The following MAST4 variants were observed in gnomAD, a reference collection of about 807,000 sequenced individuals.
The protein encoded by MAST4 is microtubule-associated serine/threonine-protein kinase 4.
MAST4 carries 89 observed loss-of-function variants against 162.7 expected under a neutral mutation model. That is an observed-to-expected ratio of 0.55 (90% CI 0.46 to 0.65). The LOEUF is 0.65. Among genes scored for constraint, MAST4 ranks in the 30% least tolerant of loss-of-function variants. The probability of loss-of-function intolerance (pLI) is 0.00; values close to 1 mark genes in which losing one functional copy is unlikely to be tolerated. For missense variants in MAST4, 3,153 were observed against 3,374.0 expected, an observed-to-expected ratio of 0.93 and a Z score of 1.62; for synonymous variants, 1,479 against 1,361.1, an observed-to-expected ratio of 1.09 and a Z score of -1.91.
chr5:66,874,299 T>G (rs556032698), intron 3 of MAST4, among the ~76,000 whole-genome samples: 1 of 152,180 alleles, frequency 6.6e-6, no homozygotes, highest in Non-Finnish European at 1.5e-5. Flanking sequence ...GTAGAGCTGG[T>G]AAAGGCCTCT....
At chr5:67,024,896 A>C (rs1234381283) in intron 4 of MAST4, among the ~76,000 whole-genome samples, 1 of 152,008 alleles carries the variant, frequency 6.6e-6, no homozygotes, top group East Asian at 1.9e-4. Flanking sequence ...TGAGCCCTGA[A>C]GTATGACACC....
intron 4 of MAST4, among the ~76,000 whole-genome samples, chr5:66,964,694 A>G (rs1349354025): frequency 1.3e-5 from 2 of 152,128 alleles, no homozygotes; most frequent in African/African-American, 4.8e-5. Flanking sequence ...CAGCTACCCC[A>G]TGGGAGGCTG....
intron 4 of MAST4, among the ~76,000 whole-genome samples, chr5:66,965,074 G>T (rs1746531946): frequency 6.6e-6 from 1 of 151,938 alleles, no homozygotes; most frequent in African/African-American, 2.4e-5. Context: ...TTAATGACTT[G>T]GAACTTTAGT....
intron 3 of MAST4, chr5:66,828,719 C>A: frequency 7.0e-7 from 1 of 1,437,248 alleles, no homozygotes; most frequent in Non-Finnish European, 9.5e-7. Context: ...TGACTCCGGG[C>A]TCCAATCAGC....
intron 1 of MAST4, among the ~76,000 whole-genome samples, chr5:66,632,617 G>C (rs1373840004): frequency 3.9e-5 from 6 of 152,062 alleles, no homozygotes; most frequent in Non-Finnish European, 1.5e-5. Flanking sequence ...TCATTACAAA[G>C]TTCTACTGCT....
chr5:67,161,188 C>G (rs563735078), intron 27 of MAST4, among the ~76,000 whole-genome samples: 9 of 152,292 alleles, frequency 5.9e-5, no homozygotes, highest in East Asian at 5.8e-4. Flanking sequence ...CCAGGCAGCT[C>G]TCTGGGTGTG....
chr5:66,744,066 C>T (rs1752616456), intron 1 of MAST4, among the ~76,000 whole-genome samples: 1 of 152,126 alleles, frequency 6.6e-6, no homozygotes, highest in African/African-American at 2.4e-5. Flanking sequence ...CCTTCTCTTT[C>T]TTTACCATTC....
At chr5:66,959,002 G>T in intron 4 of MAST4, 1 of 461,160 alleles carries the variant, frequency 2.2e-6, no homozygotes, top group Non-Finnish European at 3.9e-6. Context: ...GATATGCAGA[G>T]CTGCAAGCCT....
At chr5:66,897,077 G>C (rs1447619523) in intron 3 of MAST4, among the ~76,000 whole-genome samples, 1 of 152,092 alleles carries the variant, frequency 6.6e-6, no homozygotes, top group East Asian at 1.9e-4. Flanking sequence ...TGAAAATCTA[G>C]AAATTTTTAA....
chr5:66,860,146 G>A (rs1054570027), intron 3 of MAST4, among the ~76,000 whole-genome samples: 1 of 152,220 alleles, frequency 6.6e-6, no homozygotes, highest in Non-Finnish European at 1.5e-5. Flanking sequence ...TCAGCTCTGT[G>A]ACCTCAGACA....
chr5:66,807,497 C>T (rs1005589566), intron 3 of MAST4, among the ~76,000 whole-genome samples: 1 of 137,634 alleles, frequency 7.3e-6, no homozygotes, highest in African/African-American at 2.6e-5. Context: ...AGCGAGACTC[C>T]GTCTCAAAAA....
intron 4 of MAST4, among the ~76,000 whole-genome samples, chr5:66,985,176 A>G (rs1749339943): frequency 6.6e-6 from 1 of 152,158 alleles, no homozygotes; most frequent in Admixed American, 6.5e-5. Flanking sequence ...ATTTCAAAGA[A>G]GCGGAATGAA....
At chr5:67,119,550 G>A (rs190007687) in intron 13 of MAST4, among the ~76,000 whole-genome samples, 1 of 152,236 alleles carries the variant, frequency 6.6e-6, no homozygotes, top group African/African-American at 2.4e-5. Flanking sequence ...AAATTTCTCT[G>A]TGCCTCGGTT....
chr5:66,831,520 C>G (rs903072682), intron 3 of MAST4, among the ~76,000 whole-genome samples: 3 of 152,090 alleles, frequency 2.0e-5, no homozygotes, highest in Non-Finnish European at 2.9e-5. Flanking sequence ...AGTTCAGTAC[C>G]TCTAGTTTTT....
chr5:66,708,970 AT>A (rs1183077791), intron 1 of MAST4, among the ~76,000 whole-genome samples: 1 of 152,224 alleles, frequency 6.6e-6, no homozygotes, highest in Non-Finnish European at 1.5e-5. Flanking sequence ...CTGTGCAGGC[AT>A]AATACATATA....
intron 3 of MAST4, among the ~76,000 whole-genome samples, chr5:66,808,153 T>C (rs1342925844): frequency 6.6e-6 from 1 of 152,260 alleles, no homozygotes; most frequent in Non-Finnish European, 1.5e-5. Context: ...AATCTAATCA[T>C]TCTGTCGTGT....
rs184141802 is a variant in MAST4, at chr5:66,926,210, A to G, written c.674+26228A>G. Among the ~76,000 whole-genome samples the G allele has an allele frequency of 1.8e-4, 28 of 152,304 alleles. No homozygotes were observed. The East Asian group carries it at 5.4e-3, about 29-fold the overall frequency. On this transcript the variant is annotated intron_variant, in intron 4 of 28. Coordinates refer to ENST00000403625, the MANE Select transcript of MAST4 (RefSeq NM_001164664.2). ...CCTTATTGGTGGTGGAGATGGTGAG[A>G]TAATACAAGTAAAAAATAGATATCA...
intron 5 of MAST4, among the ~76,000 whole-genome samples, chr5:67,070,909 G>C (rs747745438): frequency 6.6e-6 from 1 of 152,114 alleles, no homozygotes; most frequent in African/African-American, 2.4e-5. Context: ...CAAAGAAGCC[G>C]CATTTTGTGC....
At position 66,776,091 on chromosome 5, in the gene MAST4, T is replaced by C. The variant is rs551682873; in HGVS notation, c.518-12579T>C. On this transcript the variant is annotated intron_variant, in intron 2 of 28. Transcript: ENST00000403625. ...TAGACTGTATGTAAGAGTTTCCTTG[T>C]AAAAATAGAGAACGTGTTAGGAAAT... 4.6e-5 allele frequency among the ~76,000 whole-genome samples: 7 copies of C among 152,368 alleles called. No homozygotes were observed. In the East Asian group the frequency reaches 1.3e-3, roughly 29 times the overall value.
Sources: allele counts gnomAD v4.1 joint callset (sites outside exome capture counted in the v4.1 genomes callset), GRCh38; gene constraint gnomAD v4.1.1; transcripts MANE v1.5; gene names NCBI Gene and HGNC (gene_info 2026-07-23, HGNC 2026-07-21).